PEDS1: variants seen among roughly 807,000 people sequenced by gnomAD.
PEDS1 encodes CarF homolog.
A neutral mutation model predicts 35.2 loss-of-function variants in PEDS1; 14 were observed. The ratio of observed to expected loss-of-function variants is 0.40; its 90% CI spans 0.26 to 0.62. The LOEUF is 0.62. PEDS1 is among the 20% of genes least tolerant of loss of function. The probability of loss-of-function intolerance (pLI) is 0.44; values close to 1 mark genes in which losing one functional copy is unlikely to be tolerated. For synonymous variants in PEDS1, 152 were observed against 152.0 expected (o/e 1.00, Z 0.00); for missense variants, 260 against 367.8 (o/e 0.71, Z 2.40).
chr20:50,153,159 G>C (rs1601239384), intron 1 of PEDS1, among the ~76,000 whole-genome samples: 1 of 151,142 alleles, frequency 6.6e-6, no homozygotes, highest in African/African-American at 2.4e-5. Context: ...CTTGGACCGG[G>C]TCCTGGGGGG....
chr20:50,132,459 T>G (rs2147278459), intron 2 of PEDS1, among the ~76,000 whole-genome samples: 1 of 152,336 alleles, frequency 6.6e-6, no homozygotes, highest in East Asian at 1.9e-4. Flanking sequence ...TTGCATTTGC[T>G]GTTCCCTCTG....
At position 50,129,699 on chromosome 20, in the gene PEDS1, G is replaced by A. The variant is rs1601210265; in HGVS notation, c.334-9C>T. The stretch of plus-strand genomic sequence containing the variant: ...AAGGGTCGGATGAAAGCCTGGAGTT[G>A]AGGGGGACACAGCCCCAGCAGTCAG... On this transcript the variant is annotated splice_polypyrimidine_tract_variant and intron_variant, in intron 3 of 5. Coordinates refer to ENST00000371652, the MANE Select transcript of PEDS1 (RefSeq NM_199129.4). The surrounding 1 kb of genome is among the most constrained non-coding windows in gnomAD (Gnocchi z 4.2). 2 of 1,613,574 alleles carry A rather than the reference G, an allele frequency of 1.2e-6. No individual in the cohort carries two copies. Among genetic ancestry groups the A allele is most frequent in the Non-Finnish European group, 8.5e-7 (1 of 1,179,972 alleles).
intron 3 of PEDS1, 93 bp downstream of exon 3, chr20:50,130,763 A>G: frequency 6.9e-7 from 1 of 1,450,698 alleles, no homozygotes; most frequent in South Asian, 1.2e-5. Context: ...CATCTTTCAG[A>G]TAGGGAAACA....
Position 50,119,434 on chromosome 20 carries a change from T to G in PEDS1, c.*5624A>C, listed in dbSNP as rs1601199283. 1.7e-5 allele frequency: 1 copy of G among 60,436 alleles called. No individual in the cohort carries two copies. Among genetic ancestry groups the G allele is most frequent in the African/African-American group, 6.9e-5 (1 of 14,480 alleles). The allele number at this position is 60,436 out of a possible 1,614,324, so 3.7% of individuals were successfully genotyped here. On this transcript the variant is annotated 3_prime_UTR_variant, in exon 6 of 6. Transcript: ENST00000371652. ...CCAGGTAATAGAGCAAGACTTTGTC[T>G]CAAAAAAAAAAAAAAAAAAAAGTCA... is the stretch of plus-strand genomic sequence containing the variant.
chr20:50,129,567 T>C lies in PEDS1; in HGVS notation c.457A>G (p.Lys153Glu). The change falls in exon 4 of 6, where the codon AAG becomes GAG. Residue 153 changes from lysine (K) to glutamate (E), a missense_variant. Physicochemically the swap from Lys to Glu is moderately conservative, Grantham distance 56 (BLOSUM62 1). Transcript: ENST00000371652. This position sits in a 1 kb window ranked among gnomAD's most constrained non-coding sequence, Gnocchi z 4.2. ...TCACCAGGGCTGTGGGTGCGGAACT[T>C]GTAGGCCATGTTTAGCAGCGGCAGC... is the stretch of plus-strand genomic sequence containing the variant. ...TLLPLLNMAY[K>E]FRTHSPEALE... 2 of 1,613,978 alleles carry C rather than the reference T, an allele frequency of 1.2e-6. No individual in the cohort carries two copies. The highest frequency in any genetic ancestry group is 1.1e-5 in the South Asian group (1 of 91,070).
intron 2 of PEDS1, among the ~76,000 whole-genome samples, chr20:50,140,789 A>G (rs1023730487): frequency 3.3e-5 from 5 of 151,902 alleles, no homozygotes; most frequent in African/African-American, 1.2e-4. Flanking sequence ...AGCTCTGGGG[A>G]GATAGGGGTA....
At chr20:50,134,439 C>T (rs570889641) in intron 2 of PEDS1, among the ~76,000 whole-genome samples, 1 of 152,150 alleles carries the variant, frequency 6.6e-6, no homozygotes. Flanking sequence ...CCCAGCTACT[C>T]AGGAGGCTGA....
intron 1 of PEDS1, among the ~76,000 whole-genome samples, chr20:50,145,899 ATCAGAGTGG>A (rs1415101265): frequency 6.6e-6 from 1 of 152,164 alleles, no homozygotes; most frequent in Non-Finnish European, 1.5e-5. Context: ...AAAACTGACC[ATCAGAGTGG>A]TCAAGGAAGT....
At chr20:50,140,996 G>A (rs2081286586) in intron 2 of PEDS1, among the ~76,000 whole-genome samples, 1 of 152,192 alleles carries the variant, frequency 6.6e-6, no homozygotes, top group South Asian at 2.1e-4. Context: ...GATTTCCTGG[G>A]CTGTGGCTGG....
intron 5 of PEDS1, among the ~76,000 whole-genome samples, chr20:50,127,768 GGCT>G (rs2081125282): frequency 1.3e-5 from 2 of 152,216 alleles, no homozygotes; most frequent in African/African-American, 4.8e-5. Context: ...CGAGGGAGAG[GGCT>G]TTGTCAGTCT....
intron 1 of PEDS1, among the ~76,000 whole-genome samples, chr20:50,146,542 C>A (rs985423378): frequency 3.3e-5 from 5 of 152,112 alleles, no homozygotes; most frequent in African/African-American, 1.2e-4. Context: ...ACTGGGTTCC[C>A]CATTTGTCAT....
In PEDS1 at chr20:50,129,700, A is replaced by AG. The variant is rs771182625; in HGVS notation, c.334-11dup. On this transcript the variant is annotated splice_polypyrimidine_tract_variant and intron_variant, in intron 3 of 5. Transcript: ENST00000371652. The surrounding 1 kb of genome is among the most constrained non-coding windows in gnomAD (Gnocchi z 4.2). ...AGGGTCGGATGAAAGCCTGGAGTTG[A>AG]GGGGGACACAGCCCCAGCAGTCAGC... 1 of 1,613,640 alleles carries AG rather than the reference A, an allele frequency of 6.2e-7. No individual in the cohort carries two copies. Among genetic ancestry groups the AG allele is most frequent in the Middle Eastern group, 1.7e-4 (1 of 6,060 alleles).
intron 3 of PEDS1, among the ~76,000 whole-genome samples, chr20:50,130,251 T>G (rs2081162826): frequency 6.6e-6 from 1 of 152,172 alleles, no homozygotes; most frequent in South Asian, 2.1e-4. Context: ...TGGCGGAAAC[T>G]ACAGGGAAGG....
intron 1 of PEDS1, among the ~76,000 whole-genome samples, chr20:50,148,201 C>A (rs1161418752): frequency 6.6e-6 from 1 of 152,228 alleles, no homozygotes; most frequent in Non-Finnish European, 1.5e-5. Flanking sequence ...GAGCTAGGGA[C>A]CCTCTGTCCC....
At chr20:50,138,746 C>T (rs1482087152) in intron 2 of PEDS1, among the ~76,000 whole-genome samples, 1 of 152,224 alleles carries the variant, frequency 6.6e-6, no homozygotes, top group East Asian at 1.9e-4. Flanking sequence ...ACACAGAAGC[C>T]TCTTTGTCCC....
chr20:50,146,856 C>T (rs1045314793), intron 1 of PEDS1, among the ~76,000 whole-genome samples: 3 of 152,160 alleles, frequency 2.0e-5, no homozygotes, highest in Non-Finnish European at 2.9e-5. Flanking sequence ...TCTTGAGCCA[C>T]GCAGCACCCC....
intron 5 of PEDS1, 51 bp downstream of exon 5, chr20:50,127,924 G>A: frequency 6.3e-7 from 1 of 1,590,266 alleles, no homozygotes. Flanking sequence ...CTCGAAGATG[G>A]TGCAGTGGCT....
At chr20:50,134,298 C>G (rs1053675553) in intron 2 of PEDS1, among the ~76,000 whole-genome samples, 2 of 152,210 alleles carry the variant, frequency 1.3e-5, no homozygotes, top group African/African-American at 4.8e-5. Context: ...CTCCTCCCAG[C>G]ACTTTGGGAT....
At chr20:50,135,550 C>T (rs771158315) in intron 2 of PEDS1, among the ~76,000 whole-genome samples, 2 of 144,904 alleles carry the variant, frequency 1.4e-5, no homozygotes, top group Non-Finnish European at 3.0e-5. Context: ...CCCAGTTACT[C>T]GGGAGGCTGA....
Sources: allele counts gnomAD v4.1 joint callset (sites outside exome capture counted in the v4.1 genomes callset), GRCh38; gene constraint gnomAD v4.1.1; non-coding constraint Gnocchi (gnomAD v3.1); transcripts MANE v1.5; gene names NCBI Gene and HGNC (gene_info 2026-07-23, HGNC 2026-07-21).